ZNF148: variants seen among roughly 807,000 people sequenced by gnomAD.
ZNF148 encodes Beta-Enolase Repressor Factor-1.
A neutral mutation model predicts 67.7 loss-of-function variants in ZNF148; 7 were observed. The ratio of observed to expected loss-of-function variants is 0.10; its 90% confidence interval spans 0.06 to 0.19. The LOEUF is 0.19. ZNF148 is among the 10% of genes least tolerant of loss of function. The probability of loss-of-function intolerance (pLI) is 1.00; values close to 1 mark genes in which losing one functional copy is unlikely to be tolerated. For missense variants in ZNF148, 583 were observed against 947.1 expected, an observed-to-expected ratio of 0.62 and a Z score of 5.05; for synonymous variants, 333 against 330.7, an observed-to-expected ratio of 1.01 and a Z score of -0.08.
At chr3:125,300,618 A>C in intron 4 of ZNF148, among the ~76,000 whole-genome samples, 1 of 152,232 alleles carries the variant, frequency 6.6e-6, no homozygotes, top group East Asian at 1.9e-4. Flanking sequence ...ATTCATGACT[A>C]ACAATGTTAC....
chr3:125,324,970 T>C (rs1270503030), intron 2 of ZNF148, among the ~76,000 whole-genome samples: 1 of 152,120 alleles, frequency 6.6e-6, no homozygotes, highest in African/African-American at 2.4e-5. Flanking sequence ...TAGGATTGTA[T>C]CATATATAAA....
At chr3:125,281,950 C>T (rs1386289346) in intron 5 of ZNF148, among the ~76,000 whole-genome samples, 3 of 152,108 alleles carry the variant, frequency 2.0e-5, no homozygotes. Flanking sequence ...TTTTTATTCA[C>T]CCTTATAATC....
At chr3:125,354,580 A>G (rs982005911) in intron 1 of ZNF148, among the ~76,000 whole-genome samples, 3 of 152,236 alleles carry the variant, frequency 2.0e-5, no homozygotes, top group Middle Eastern at 3.2e-3. Flanking sequence ...GGGTCTTGCT[A>G]TAACAGATTT....
intron 1 of ZNF148, among the ~76,000 whole-genome samples, chr3:125,332,115 T>A (rs944131545): frequency 2.0e-5 from 3 of 152,156 alleles, no homozygotes; most frequent in African/African-American, 7.2e-5. Flanking sequence ...ACCAAGTACA[T>A]CAATTCAAGG....
At chr3:125,252,326 C>T (rs1269634584) in intron 7 of ZNF148, among the ~76,000 whole-genome samples, 1 of 151,976 alleles carries the variant, frequency 6.6e-6, no homozygotes, top group Non-Finnish European at 1.5e-5. Context: ...TGACATTATT[C>T]TCTGAAGTTT....
At chr3:125,258,184 AG>A (rs1031181722) in intron 7 of ZNF148, among the ~76,000 whole-genome samples, 7 of 151,998 alleles carry the variant, frequency 4.6e-5, no homozygotes, top group African/African-American at 1.7e-4. Flanking sequence ...GAACTTTGGG[AG>A]GCCAAGGTGG....
chr3:125,340,983 G>C (rs1461159059), intron 1 of ZNF148, among the ~76,000 whole-genome samples: 1 of 117,848 alleles, frequency 8.5e-6, no homozygotes, highest in Non-Finnish European at 1.7e-5. Context: ...GCGAGACTCC[G>C]GCTCAAAAAA....
chr3:125,274,086 T>C (rs1000216272), intron 7 of ZNF148, among the ~76,000 whole-genome samples: 1 of 152,160 alleles, frequency 6.6e-6, no homozygotes, highest in African/African-American at 2.4e-5. Flanking sequence ...CATTCTAACA[T>C]TTATTCTATA....
At chr3:125,303,800 C>T (rs1272043205) in intron 4 of ZNF148, among the ~76,000 whole-genome samples, 2 of 151,962 alleles carry the variant, frequency 1.3e-5, no homozygotes, top group African/African-American at 4.8e-5. Context: ...CCACCCCATT[C>T]GTGGAAAAAC....
intron 7 of ZNF148, among the ~76,000 whole-genome samples, chr3:125,250,003 T>C (rs765098753): frequency 7.2e-5 from 11 of 152,082 alleles, no homozygotes; most frequent in Non-Finnish European, 1.6e-4. Context: ...AGAATAATAG[T>C]CACCAGGAGC....
At chr3:125,326,718 A>G (rs1396882692) in intron 2 of ZNF148, among the ~76,000 whole-genome samples, 2 of 147,144 alleles carry the variant, frequency 1.4e-5, no homozygotes, top group Non-Finnish European at 3.0e-5. Context: ...ATCTTTTTAT[A>G]TATGTATATA....
In ZNF148 at chr3:125,375,183, A is replaced by G. The variant is rs1943028551; in HGVS notation, c.-315T>C. On this transcript the variant is annotated 5_prime_UTR_variant, in exon 1 of 9. Transcript: ENST00000360647. ...TTTCTAGGGGCCTTGAGAGGAGGGG[A>G]AGGGGGGAGGGGGGAGAACTTTTGC... The G allele has an allele frequency of 6.6e-6, 1 of 151,904 alleles. No individual in the cohort carries two copies. Among genetic ancestry groups the G allele is most frequent in the Admixed American group, 6.6e-5 (1 of 15,256 alleles). 9.4% of individuals were successfully genotyped at this position (151,904 alleles called of 1,614,324 possible). A position where few individuals can be genotyped will look rare whatever the true frequency, so the allele number is the denominator to read the frequency against.
chr3:125,329,242 T>C (rs1392460356), intron 2 of ZNF148, among the ~76,000 whole-genome samples: 1 of 148,450 alleles, frequency 6.7e-6, no homozygotes, highest in African/African-American at 2.5e-5. Context: ...TGTATAGATA[T>C]ATATATCTGT....
intron 7 of ZNF148, among the ~76,000 whole-genome samples, chr3:125,270,090 T>C (rs1012871937): frequency 9.2e-5 from 14 of 152,144 alleles, no homozygotes; most frequent in African/African-American, 3.4e-4. Context: ...AACTTGCATA[T>C]GTACCCCCTG....
intron 7 of ZNF148, among the ~76,000 whole-genome samples, chr3:125,256,846 A>G (rs773202232): frequency 6.6e-5 from 10 of 151,892 alleles, no homozygotes; most frequent in Admixed American, 1.3e-4. Context: ...TTTCTCTGTG[A>G]TATTTCCTAC....
intron 7 of ZNF148, among the ~76,000 whole-genome samples, chr3:125,247,336 G>C (rs933322014): frequency 6.6e-6 from 1 of 152,008 alleles, no homozygotes; most frequent in Non-Finnish European, 1.5e-5. Flanking sequence ...TTTTTTCTGG[G>C]TTTTCTTTTG....
intron 7 of ZNF148, among the ~76,000 whole-genome samples, chr3:125,277,000 A>G (rs1938111613): frequency 6.6e-6 from 1 of 152,164 alleles, no homozygotes; most frequent in Admixed American, 6.5e-5. Context: ...TCAAATGTAA[A>G]ATTCAAAGTT....
chr3:125,374,802 C>A (rs1559792014), intron 1 of ZNF148, among the ~76,000 whole-genome samples: 2 of 152,046 alleles, frequency 1.3e-5, no homozygotes, highest in African/African-American at 2.4e-5. Flanking sequence ...AAACATCCCA[C>A]CTCCTCCCCT....
intron 1 of ZNF148, among the ~76,000 whole-genome samples, chr3:125,359,864 C>A (rs992314664): frequency 1.2e-4 from 19 of 152,226 alleles, no homozygotes; most frequent in African/African-American, 4.6e-4. Flanking sequence ...CACACAGACC[C>A]AAGTGGGCGG....
Sources: gnomAD v4.1 joint callset for allele counts (sites outside exome capture counted in the v4.1 genomes callset) on GRCh38, gnomAD v4.1.1 for gene constraint, MANE v1.5 for transcripts, NCBI Gene and HGNC (gene_info 2026-07-23, HGNC 2026-07-21) for gene names.